PCDHGA10: variants seen among roughly 807,000 people sequenced by gnomAD.
PCDHGA10 encodes protocadherin gamma subfamily A, 10, also known as protocadherin gamma-A10.
PCDHGA10 carries 42 observed loss-of-function variants against 59.5 expected under a neutral mutation model. That is an observed-to-expected ratio of 0.71 (90% CI 0.55 to 0.91). The LOEUF (loss-of-function observed/expected upper bound fraction) is 0.91, where lower values mean the gene tolerates loss of function less well. Among genes scored for constraint, PCDHGA10 ranks in the 40% least tolerant of loss-of-function variants. PCDHGA10 has a pLI of 0.00. For synonymous variants in PCDHGA10, 511 were observed against 517.2 expected, an observed-to-expected ratio of 0.99 and a Z score of 0.16; for missense variants, 1,111 against 1,198.2, an observed-to-expected ratio of 0.93 and a Z score of 1.07.
At position 141,431,035 on chromosome 5, in the gene PCDHGA10, G is replaced by C; in HGVS notation, c.2436+15424G>C. The C allele has an allele frequency of 6.2e-7, 1 of 1,614,186 alleles. No individual in the cohort carries two copies. Among genetic ancestry groups the C allele is most frequent in the South Asian group, 1.1e-5 (1 of 91,086 alleles). ...TGGTCACGGCGGGCAGGATAGACCG[G>C]GAGGAGCTCTGTATGGGGGCCATCA... On this transcript the variant is annotated intron_variant, in intron 1 of 3. Transcript: ENST00000398610. The surrounding 1 kb of genome is among the most constrained non-coding windows in gnomAD (Gnocchi z 4.8).
At chr5:141,419,554 T>C (rs775925543) in intron 1 of PCDHGA10, 1 of 1,612,006 alleles carries the variant, frequency 6.2e-7, no homozygotes, top group Non-Finnish European at 8.5e-7. Flanking sequence ...TGCTGTACCC[T>C]GCGCTGGGTC....
chr5:141,451,182 C>T (rs2154563496), intron 1 of PCDHGA10, among the ~76,000 whole-genome samples: 1 of 152,226 alleles, frequency 6.6e-6, no homozygotes, highest in Non-Finnish European at 1.5e-5. Flanking sequence ...TTAGCCATTG[C>T]TGTGTAACAA....
chr5:141,472,994 AAAAG>A (rs1425445230), intron 1 of PCDHGA10, among the ~76,000 whole-genome samples: 7 of 151,692 alleles, frequency 4.6e-5, no homozygotes, highest in African/African-American at 1.7e-4. Context: ...AAAAAAAAAA[AAAAG>A]AAAGAAAAAG....
intron 1 of PCDHGA10, chr5:141,427,267 A>C (rs1361287845): frequency 6.6e-6 from 3 of 456,648 alleles, no homozygotes; most frequent in Non-Finnish European, 1.3e-5. Flanking sequence ...ATGACCAGCG[A>C]ATGTAAAATT....
chr5:141,486,730 T>G lies in PCDHGA10; in HGVS notation c.2437-8077T>G, dbSNP rs775081505. On this transcript the variant is annotated intron_variant, in intron 1 of 3. Coordinates refer to ENST00000398610, the MANE Select transcript of PCDHGA10 (RefSeq NM_018913.3). This position sits in a 1 kb window ranked among gnomAD's most constrained non-coding sequence, Gnocchi z 5.0. ...ACCCCCAGACAGGAGCTGTTCATGC[T>G]ACTCGATCCTTTGACTATGAGCAAA... is the stretch of plus-strand genomic sequence containing the variant. 6.2e-7 allele frequency: 1 copy of G among 1,614,238 alleles called. No individual in the cohort carries two copies. The highest frequency in any genetic ancestry group is 8.5e-7 in the Non-Finnish European group (1 of 1,180,042).
At chr5:141,446,143 T>G (rs2098490523) in intron 1 of PCDHGA10, among the ~76,000 whole-genome samples, 1 of 152,204 alleles carries the variant, frequency 6.6e-6, no homozygotes, top group Admixed American at 6.5e-5. Flanking sequence ...AATAATGGAA[T>G]AGGTGGAATA....
chr5:141,512,068 C>T lies in PCDHGA10; in HGVS notation c.*895C>T, dbSNP rs1215311369. 6.6e-6 allele frequency: 1 copy of T among 152,664 alleles called. No individual in the cohort carries two copies. The highest frequency in any genetic ancestry group is 1.5e-5 in the Non-Finnish European group (1 of 68,066). The allele number at this position is 152,664 out of a possible 1,614,324, so 9.5% of individuals were successfully genotyped here. On this transcript the variant is annotated 3_prime_UTR_variant, in exon 4 of 4. Transcript: ENST00000398610. The stretch of plus-strand genomic sequence containing the variant: ...TCCTCAGGGGACTGACAACATCCTC[C>T]AGATTCCAGCCATAAACCAATAACT...
chr5:141,428,305 G>T (rs751498223), intron 1 of PCDHGA10: 8 of 694,348 alleles, frequency 1.2e-5, no homozygotes. Flanking sequence ...GATTTACCTG[G>T]TCGTGGCCTT....
rs201673318 is a variant in PCDHGA10, at chr5:141,421,626, C to G, written c.2436+6015C>G. On this transcript the variant is annotated intron_variant, in intron 1 of 3. Coordinates refer to ENST00000398610, the MANE Select transcript of PCDHGA10 (RefSeq NM_018913.3). ...TAGATATTAATGATAACGCCCCCAG[C>G]TTCCAGGAGGACGAAGTGGAGATAA... 1.9e-6 allele frequency: 3 copies of G among 1,613,842 alleles called. No individual in the cohort carries two copies. In the African/African-American group the frequency reaches 4.0e-5, roughly 21 times the overall value.
rs531773756 is a variant in PCDHGA10 at position 141,417,037 on chromosome 5, TTA to T, written c.2436+1427_2436+1428del. On this transcript the variant is annotated intron_variant, in intron 1 of 3. Coordinates refer to ENST00000398610, the MANE Select transcript of PCDHGA10 (RefSeq NM_018913.3). ...ATTTTGAAAAATACAGGTTTTTTTT[TTA>T]AAAAAAACTGCTCTTGACATTGTAG... 5.9e-5 allele frequency: 9 copies of T among 151,574 alleles called. 1 individual carries two copies. Among genetic ancestry groups the T allele is most frequent in the Admixed American group, 2.0e-4 (3 of 15,204 alleles). The allele number at this position is 151,574 out of a possible 1,614,324, so 9.4% of individuals were successfully genotyped here.
rs748722995 is a variant in PCDHGA10, at chr5:141,414,697, T to C, written c.1522T>C (p.Tyr508His). 6.2e-7 allele frequency: 1 copy of C among 1,614,036 alleles called. No individual in the cohort carries two copies. The highest frequency in any genetic ancestry group is 8.5e-7 in the Non-Finnish European group (1 of 1,179,930). Residue 508 changes from tyrosine to histidine, a missense_variant, in exon 1 of 4, where the codon TAC (tyrosine) becomes CAC (histidine). Coordinates refer to ENST00000398610, the MANE Select transcript of PCDHGA10 (RefSeq NM_018913.3). Reference sequence around the variant, plus strand: ...CATCCAGGGGGTACCTCTGTCCTCATACATATCCATCAACTCAGACACTGG... The same window carrying C: ...CATCCAGGGGGTACCTCTGTCCTCACACATATCCATCAACTCAGACACTGG... Reference protein sequence around the residue: ...DTIQGVPLSSYISINSDTGVL... With the variant: ...DTIQGVPLSSHISINSDTGVL...
At position 141,499,689 on chromosome 5, in the gene PCDHGA10, C is replaced by CTT. The variant is rs545067566; in HGVS notation, c.2495+4845_2495+4846dup. 4.8e-3 allele frequency among the ~76,000 whole-genome samples: 577 copies of CTT among 119,808 alleles called. 2 individuals carry two copies. Among genetic ancestry groups the CTT allele is most frequent in the Non-Finnish European group, 6.7e-3 (386 of 57,912 alleles). 78.6% of individuals were successfully genotyped at this position (119,808 alleles called of 152,430 possible). A position where few individuals can be genotyped will look rare whatever the true frequency, so the allele number is the denominator to read the frequency against. On this transcript the variant is annotated intron_variant, in intron 2 of 3. Coordinates refer to ENST00000398610, the MANE Select transcript of PCDHGA10 (RefSeq NM_018913.3). ...GGTCTCCACCATCTTTAACAGATGA[C>CTT]TTTTTTTTTTTTTTTTTTTTTTGGA...
In PCDHGA10 at chr5:141,489,120, G is replaced by C; in HGVS notation, c.2437-5687G>C. The C allele has an allele frequency of 1.1e-5, 5 of 445,662 alleles. No homozygotes were observed. Among genetic ancestry groups the C allele is most frequent in the East Asian group, 3.8e-5 (1 of 26,010 alleles). The allele number at this position is 445,662 out of a possible 1,614,324, so 27.6% of individuals were successfully genotyped here. ...AACTGCTGCAAGCAGGCAAACCTCC[G>C]AGCAGTTTTTAAGAGGCTGGAAGGA... On this transcript the variant is annotated intron_variant, in intron 1 of 3. Transcript: ENST00000398610. This position sits in a 1 kb window ranked among gnomAD's most constrained non-coding sequence, Gnocchi z 4.5.
rs2099612736 is a variant in PCDHGA10 at position 141,485,393 on chromosome 5, C to T, written c.2437-9414C>T. The T allele has an allele frequency of 6.2e-7, 1 of 1,614,154 alleles. No homozygotes were observed. The highest frequency in any genetic ancestry group is 1.7e-5 in the Admixed American group (1 of 60,020). ...GGTCGCTGGAGAGGTGAACCAAAGA[C>T]ACTTCCGTGTGGATTTGGACAGCGG... On this transcript the variant is annotated intron_variant, in intron 1 of 3. Coordinates refer to ENST00000398610, the MANE Select transcript of PCDHGA10 (RefSeq NM_018913.3). The surrounding 1 kb of genome is among the most constrained non-coding windows in gnomAD (Gnocchi z 5.7).
rs2099399818 is a variant in PCDHGA10, at chr5:141,476,845, C to G, written c.2437-17962C>G. 6.2e-7 allele frequency: 1 copy of G among 1,613,794 alleles called. No individual in the cohort carries two copies. Among genetic ancestry groups the G allele is most frequent in the African/African-American group, 1.3e-5 (1 of 75,078 alleles). ...TGGACGCGAATGACAATGCGCCTGTCTTCAACCAGTCCTTGTACCGGGCGC... is the reference window on the plus strand; with the variant it reads ...TGGACGCGAATGACAATGCGCCTGTGTTCAACCAGTCCTTGTACCGGGCGC... On this transcript the variant is annotated intron_variant, in intron 1 of 3. Transcript: ENST00000398610. This position sits in a 1 kb window ranked among gnomAD's most constrained non-coding sequence, Gnocchi z 7.6.
In PCDHGA10 at chr5:141,485,013, C is replaced by A. The variant is rs551059588; in HGVS notation, c.2437-9794C>A. ...GTGAAAGGCAGACAAATCTACCCCG[C>A]CACCAGCAAAAACGGCGCGTAACCC... On this transcript the variant is annotated intron_variant, in intron 1 of 3. Coordinates refer to ENST00000398610, the MANE Select transcript of PCDHGA10 (RefSeq NM_018913.3). This position sits in a 1 kb window ranked among gnomAD's most constrained non-coding sequence, Gnocchi z 5.7. The A allele has an allele frequency of 6.3e-6, 4 of 634,556 alleles. No homozygotes were observed. Among genetic ancestry groups the A allele is most frequent in the South Asian group, 3.9e-5 (2 of 51,594 alleles). The allele number at this position is 634,556 out of a possible 1,614,324, so 39.3% of individuals were successfully genotyped here. A position where few individuals can be genotyped will look rare whatever the true frequency, so the allele number is the denominator to read the frequency against.
intron 1 of PCDHGA10, among the ~76,000 whole-genome samples, chr5:141,433,837 CAA>C (rs56191208): frequency 1.4e-4 from 16 of 111,664 alleles, no homozygotes; most frequent in Non-Finnish European, 1.2e-4. Context: ...AACTCTATCT[CAA>C]AAAAAAAAAA....
chr5:141,430,151 A>T (rs774490087), intron 1 of PCDHGA10, among the ~76,000 whole-genome samples: 8 of 152,166 alleles, frequency 5.3e-5, no homozygotes, highest in Non-Finnish European at 8.8e-5. Flanking sequence ...GGATCATTCA[A>T]GGAATCTATT....
At chr5:141,447,121 T>C (rs1341601610) in intron 1 of PCDHGA10, among the ~76,000 whole-genome samples, 1 of 152,104 alleles carries the variant, frequency 6.6e-6, no homozygotes, top group Non-Finnish European at 1.5e-5. Flanking sequence ...CTCCATGGAT[T>C]TTTTTGTTTG....
Sources: allele counts gnomAD v4.1 joint callset (sites outside exome capture counted in the v4.1 genomes callset), GRCh38; gene constraint gnomAD v4.1.1; non-coding constraint Gnocchi (gnomAD v3.1); transcripts MANE v1.5; gene names NCBI Gene and HGNC (gene_info 2026-07-23, HGNC 2026-07-21).